The following PCSK5 variants were observed in gnomAD, a reference collection of about 807,000 sequenced individuals.
PCSK5 encodes the protein proprotein convertase subtilisin/kexin type 5.
Under a neutral mutation model 233.2 loss-of-function variants are expected in PCSK5, and 129 were observed. The observed-to-expected ratio is 0.55, with a 90% CI of 0.48 to 0.64. PCSK5 has a LOEUF of 0.64. Ranked by LOEUF, PCSK5 falls within the 30% of genes least tolerant of loss-of-function variation. PCSK5 has a pLI of 0.00. For missense variants in PCSK5, 2,076 were observed against 2,430.1 expected (o/e 0.85, Z 3.06); for synonymous variants, 825 against 879.2 (o/e 0.94, Z 1.09).
At chr9:75,946,922 TC>T (rs1824602208) in intron 2 of PCSK5, among the ~76,000 whole-genome samples, 1 of 152,172 alleles carries the variant, frequency 6.6e-6, no homozygotes, top group African/African-American at 2.4e-5. Flanking sequence ...TTTGAGCTCT[TC>T]CCCAGATACT....
At chr9:76,299,666 T>C (rs566347421) in intron 27 of PCSK5, among the ~76,000 whole-genome samples, 2 of 152,056 alleles carry the variant, frequency 1.3e-5, no homozygotes, top group Non-Finnish European at 2.9e-5. Context: ...AGAGACTCCA[T>C]CTAAAACAAC....
chr9:76,285,362 G>C (rs577067940), intron 24 of PCSK5, among the ~76,000 whole-genome samples: 1 of 152,180 alleles, frequency 6.6e-6, no homozygotes, highest in South Asian at 2.1e-4. Context: ...TGCAGATGTA[G>C]CCTAAGAGAG....
chr9:75,954,870 G>A (rs1825022531), intron 2 of PCSK5, among the ~76,000 whole-genome samples: 1 of 152,146 alleles, frequency 6.6e-6, no homozygotes, highest in Non-Finnish European at 1.5e-5. Flanking sequence ...AAATTTGATT[G>A]TGTAGTGGTT....
chr9:76,301,280 A>C (rs1168132482), intron 27 of PCSK5, among the ~76,000 whole-genome samples: 1 of 151,612 alleles, frequency 6.6e-6, no homozygotes, highest in Non-Finnish European at 1.5e-5. Context: ...AAAAAAAAAA[A>C]AAAGAAAGAA....
chr9:76,093,576 T>TACAC (rs1256174625), intron 7 of PCSK5, among the ~76,000 whole-genome samples: 2 of 146,190 alleles, frequency 1.4e-5, no homozygotes, highest in African/African-American at 5.4e-5. Context: ...TATATATATA[T>TACAC]ATATATACAC....
chr9:76,282,076 C>T (rs1297176075), intron 24 of PCSK5, among the ~76,000 whole-genome samples: 6 of 109,182 alleles, frequency 5.5e-5, no homozygotes, highest in Non-Finnish European at 7.1e-5. Flanking sequence ...TTTTTTTTTT[C>T]CCCACTCTGT....
At chr9:76,053,041 C>T (rs1829687594) in intron 5 of PCSK5, among the ~76,000 whole-genome samples, 1 of 152,224 alleles carries the variant, frequency 6.6e-6, no homozygotes, top group African/African-American at 2.4e-5. Context: ...TGGCATTGGA[C>T]AGTTCCGCCC....
intron 7 of PCSK5, among the ~76,000 whole-genome samples, chr9:76,088,900 G>T (rs1480680621): frequency 6.6e-6 from 1 of 151,330 alleles, no homozygotes; most frequent in Non-Finnish European, 1.5e-5. Flanking sequence ...TTTTTAAAGG[G>T]GGTTTTGGTG....
chr9:76,189,290 G>T lies in PCSK5; in HGVS notation c.2510+67G>T, dbSNP rs201640751. On this transcript the variant is annotated intron_variant, in intron 19 of 37. Transcript: ENST00000674117. ...GTTCTTTTGATGACTATCTTCATAAGAAAATAAGAAAACTTAGAATTTGTA... is the reference window on the plus strand; with the variant it reads ...GTTCTTTTGATGACTATCTTCATAATAAAATAAGAAAACTTAGAATTTGTA... 3 of 1,324,922 alleles carry T rather than the reference G, an allele frequency of 2.3e-6. 1 individual carries two copies. The highest frequency in any genetic ancestry group is 5.3e-4 in the Middle Eastern group (2 of 3,762). 82.1% of individuals were successfully genotyped at this position (1,324,922 alleles called of 1,614,324 possible).
At chr9:76,279,077 C>A (rs1358327337) in intron 24 of PCSK5, among the ~76,000 whole-genome samples, 3 of 130,572 alleles carry the variant, frequency 2.3e-5, no homozygotes, top group African/African-American at 5.8e-5. Context: ...CCCACCCCAC[C>A]ACAGTCCCCA....
At chr9:76,252,067 A>G (rs1208331970) in intron 24 of PCSK5, among the ~76,000 whole-genome samples, 1 of 152,038 alleles carries the variant, frequency 6.6e-6, no homozygotes, top group Non-Finnish European at 1.5e-5. Context: ...GGAGATCGAG[A>G]CCATCCTCGC....
rs1825000165 is a variant in PCSK5, at chr9:76,203,675, TA to T, written c.2626+13930del. On this transcript the variant is annotated intron_variant, in intron 20 of 37. Transcript: ENST00000674117. Reference sequence around the variant, plus strand: ...TGAGCCGCACCGTACCCAGCTGTCTTACCTACAGAACTGTGAGTTAGTGAAG... The same window carrying T: ...TGAGCCGCACCGTACCCAGCTGTCTTCCTACAGAACTGTGAGTTAGTGAAG... 2.0e-5 allele frequency among the ~76,000 whole-genome samples: 3 copies of T among 152,148 alleles called. No individual in the cohort carries two copies. In the South Asian group the frequency reaches 6.2e-4, roughly 32 times the overall value.
intron 2 of PCSK5, among the ~76,000 whole-genome samples, chr9:75,958,302 C>T (rs577314039): frequency 6.6e-6 from 1 of 152,226 alleles, no homozygotes; most frequent in African/African-American, 2.4e-5. Flanking sequence ...AATCCAGGCT[C>T]GATAGTGTTC....
At chr9:75,931,752 C>G (rs1024240119) in intron 1 of PCSK5, among the ~76,000 whole-genome samples, 3 of 152,280 alleles carry the variant, frequency 2.0e-5, no homozygotes, top group Non-Finnish European at 4.4e-5. Flanking sequence ...GTAGAACCAA[C>G]TGTTTTTATA....
chr9:76,332,384 A>G, intron 33 of PCSK5, 49 bp from the exon 34 acceptor site: 2 of 1,422,094 alleles, frequency 1.4e-6, no homozygotes, highest in Non-Finnish European at 2.0e-6. Context: ...TACAGGGGAG[A>G]CATGTGTCAT....
At chr9:76,157,280 A>G (rs1822628952) in intron 11 of PCSK5, 118 bp downstream of exon 11, 1 of 688,116 alleles carries the variant, frequency 1.5e-6, no homozygotes, top group Non-Finnish European at 2.6e-6. Flanking sequence ...GTTTCTCTCT[A>G]ATGTGACTAT....
In PCSK5 at chr9:76,240,532, T is replaced by A. The variant is rs1285039312; in HGVS notation, c.3074-84T>A. The A allele has an allele frequency of 4.3e-6, 4 of 934,826 alleles. No individual in the cohort carries two copies. The Admixed American group carries it at 8.0e-5, about 19-fold the overall frequency. The allele number at this position is 934,826 out of a possible 1,614,324, so 57.9% of individuals were successfully genotyped here. A position where few individuals can be genotyped will look rare whatever the true frequency, so the allele number is the denominator to read the frequency against. ...CTCTATGATTTACTTTAAAATAAGC[T>A]ACACACGAACATATTTTTGTAGCAA... On this transcript the variant is annotated intron_variant, in intron 23 of 37. Coordinates refer to ENST00000674117, the MANE Select transcript of PCSK5 (RefSeq NM_001372043.1).
At chr9:76,194,884 C>A (rs1233147772) in intron 20 of PCSK5, 4 of 348,022 alleles carry the variant, frequency 1.1e-5, no homozygotes, top group Non-Finnish European at 2.4e-5. Context: ...CTGCTGGAGT[C>A]ACAGCTGAGG....
intron 1 of PCSK5, among the ~76,000 whole-genome samples, chr9:75,901,142 A>G (rs1419367877): frequency 6.6e-6 from 1 of 152,162 alleles, no homozygotes; most frequent in Non-Finnish European, 1.5e-5. Flanking sequence ...AAGGATTATA[A>G]ATCATTCTAT....
Sources: gnomAD v4.1 joint callset for allele counts (sites outside exome capture counted in the v4.1 genomes callset) on GRCh38, gnomAD v4.1.1 for gene constraint, MANE v1.5 for transcripts, NCBI Gene and HGNC (gene_info 2026-07-23, HGNC 2026-07-21) for gene names.